SVIL: variants seen among roughly 807,000 people sequenced by gnomAD.
The protein encoded by SVIL is supervillin.
A neutral mutation model predicts 240.4 loss-of-function variants in SVIL; 101 were observed. The ratio of observed to expected loss-of-function variants is 0.42; its 90% confidence interval spans 0.36 to 0.50. The LOEUF (loss-of-function observed/expected upper bound fraction) is 0.50. Among genes scored for constraint, SVIL ranks in the 20% least tolerant of loss-of-function variants. The pLI, the probability that SVIL is intolerant of heterozygous loss-of-function variation, is 0.01. For missense variants in SVIL, 2,512 were observed against 2,818.7 expected (o/e 0.89, Z 2.46); for synonymous variants, 999 against 1,100.0 (o/e 0.91, Z 1.82).
intron 1 of SVIL, among the ~76,000 whole-genome samples, chr10:29,619,259 G>T (rs1451503384): frequency 1.3e-5 from 2 of 152,190 alleles, no homozygotes; most frequent in Non-Finnish European, 2.9e-5. Context: ...TCCCAGAGAA[G>T]AAATATTTTC....
At chr10:29,541,964 C>A (rs959695258) in intron 6 of SVIL, among the ~76,000 whole-genome samples, 4 of 152,202 alleles carry the variant, frequency 2.6e-5, no homozygotes, top group Non-Finnish European at 5.9e-5. Context: ...GTCGTATAAA[C>A]AAGTGCTGCT....
intron 1 of SVIL, among the ~76,000 whole-genome samples, chr10:29,705,972 G>A (rs1242674022): frequency 2.6e-5 from 4 of 152,224 alleles, no homozygotes; most frequent in Non-Finnish European, 4.4e-5. Context: ...CTTTATAATA[G>A]AATAATTGAT....
In SVIL at chr10:29,732,254, G is replaced by A. The variant is rs78267980; in HGVS notation, c.-400+3497C>T. ...ATAATGTTCATGGTAACTACACATCGGGTGGTGTATAATGACATTATAACG... is the reference window on the plus strand; with the variant it reads ...ATAATGTTCATGGTAACTACACATCAGGTGGTGTATAATGACATTATAACG... On this transcript the variant is annotated intron_variant, in intron 1 of 35. Transcript: ENST00000375400. 2.6e-3 allele frequency among the ~76,000 whole-genome samples: 398 copies of A among 152,200 alleles called. 8 individuals are homozygous for A. The East Asian group carries it at 0.047, about 18-fold the overall frequency.
intron 6 of SVIL, among the ~76,000 whole-genome samples, chr10:29,542,729 C>T (rs1042018348): frequency 1.8e-4 from 28 of 152,138 alleles, no homozygotes; most frequent in African/African-American, 6.8e-4. Context: ...ACTATAGTCG[C>T]CCTGTTGTGC....
rs137968783 is a variant in SVIL, at chr10:29,481,605, G to A, written c.5079C>T (p.Pro1693=). 2.8e-4 allele frequency: 454 copies of A among 1,614,104 alleles called. 2 individuals carry two copies. The highest frequency in any genetic ancestry group is 1.2e-3 in the African/African-American group (92 of 75,012). The change falls in exon 28 of 38, where the codon CCC becomes CCT. Residue 1693 remains proline (P), a synonymous_variant. Coordinates refer to ENST00000355867, the MANE Select transcript of SVIL (RefSeq NM_021738.3). The stretch of plus-strand genomic sequence containing the variant: ...ATACCTTGTGCTGGGCAAGTTCCCC[G>A]GGGTTCTTCTCATTCGATCTCTTCA... ...TELKRSNEKN[P]GELAQHKEDP...
At chr10:29,566,749 C>A (rs1954998109) in intron 2 of SVIL, among the ~76,000 whole-genome samples, 1 of 150,732 alleles carries the variant, frequency 6.6e-6, no homozygotes, top group Admixed American at 6.7e-5. Context: ...AGAGGCCCCC[C>A]AGCGGGAGAC....
chr10:29,490,592 A>G (rs975676139), intron 22 of SVIL, among the ~76,000 whole-genome samples: 44 of 124,984 alleles, frequency 3.5e-4, no homozygotes, highest in African/African-American at 1.2e-3. Context: ...CTTTAAAAAA[A>G]AAAAAAAAAA....
chr10:29,649,672 A>T (rs1319523712), intron 3 of SVIL, among the ~76,000 whole-genome samples: 1 of 150,898 alleles, frequency 6.6e-6, no homozygotes. Flanking sequence ...ATGGGCGTAC[A>T]CACACACACA....
intron 30 of SVIL, chr10:29,473,595 A>T (rs761617222): frequency 1.8e-5 from 10 of 561,820 alleles, no homozygotes; most frequent in East Asian, 3.1e-5. Context: ...TGCACTTGTC[A>T]TGTGGATTTC....
At chr10:29,683,649 A>G (rs1379048256) in intron 2 of SVIL, among the ~76,000 whole-genome samples, 2 of 152,232 alleles carry the variant, frequency 1.3e-5, no homozygotes, top group Admixed American at 6.5e-5. Context: ...TCTCCCTCCC[A>G]ACCTAGCAAA....
intron 1 of SVIL, among the ~76,000 whole-genome samples, chr10:29,594,741 G>C (rs1464461574): frequency 1.3e-5 from 2 of 151,994 alleles, no homozygotes; most frequent in African/African-American, 2.4e-5. Flanking sequence ...ATTTTTAGTA[G>C]AGACAGGGTT....
chr10:29,645,055 T>G (rs1256669383), intron 3 of SVIL, among the ~76,000 whole-genome samples: 1 of 151,970 alleles, frequency 6.6e-6, no homozygotes, highest in African/African-American at 2.4e-5. Context: ...ACTGAATAAA[T>G]TTAGCTTTAT....
At chr10:29,700,502 GCT>G (rs1410442980) in intron 1 of SVIL, among the ~76,000 whole-genome samples, 1 of 121,810 alleles carries the variant, frequency 8.2e-6, no homozygotes, top group African/African-American at 3.1e-5. Context: ...ATGGAGATAT[GCT>G]CTGTCGCCCA....
intron 6 of SVIL, among the ~76,000 whole-genome samples, chr10:29,548,113 T>A (rs1952860112): frequency 6.6e-6 from 1 of 152,218 alleles, no homozygotes; most frequent in Non-Finnish European, 1.5e-5. Context: ...TGGAAGCTGA[T>A]CTCTCTAAGT....
chr10:29,500,149 G>A (rs1030405030), intron 17 of SVIL, among the ~76,000 whole-genome samples: 3 of 152,138 alleles, frequency 2.0e-5, no homozygotes, highest in South Asian at 2.1e-4. Context: ...CAGGAGCAGC[G>A]ATGGAAGCAG....
intron 1 of SVIL, among the ~76,000 whole-genome samples, chr10:29,725,989 A>C (rs939551321): frequency 6.6e-6 from 1 of 152,188 alleles, no homozygotes; most frequent in African/African-American, 2.4e-5. Flanking sequence ...TGGTGCAATC[A>C]TAGCTCACTA....
At chr10:29,461,571 T>C (rs1564444596) in intron 36 of SVIL, among the ~76,000 whole-genome samples, 1 of 152,220 alleles carries the variant, frequency 6.6e-6, no homozygotes, top group African/African-American at 2.4e-5. Context: ...GTAAAAAACC[T>C]ATCTCTCACC....
intron 1 of SVIL, among the ~76,000 whole-genome samples, chr10:29,696,206 G>A (rs948026168): frequency 2.6e-5 from 4 of 151,820 alleles, no homozygotes; most frequent in African/African-American, 9.7e-5. Flanking sequence ...CGCCAGCCTC[G>A]GCCTCCCGAG....
At position 29,595,822 on chromosome 10, in the gene SVIL, T is replaced by C. The variant is rs80208655; in HGVS notation, c.-200-26510A>G. On this transcript the variant is annotated intron_variant, in intron 1 of 37. Coordinates refer to ENST00000355867, the MANE Select transcript of SVIL (RefSeq NM_021738.3). ...GACCCAGGTGCCAGGCCAGCAGTTG[T>C]GGTGAGCTGATGAAGTGACTCATTC... 9.5e-3 allele frequency among the ~76,000 whole-genome samples: 1,440 copies of C among 152,242 alleles called. 58 individuals carry two copies. The East Asian group carries it at 0.13, about 14-fold the overall frequency.
Sources: gnomAD v4.1 joint callset for allele counts (sites outside exome capture counted in the v4.1 genomes callset) on GRCh38, gnomAD v4.1.1 for gene constraint, MANE v1.5 for transcripts, NCBI Gene and HGNC (gene_info 2026-07-23, HGNC 2026-07-21) for gene names.